CSMD1: variants seen among roughly 807,000 people sequenced by gnomAD.
CSMD1 encodes the protein CUB and sushi domain-containing protein 1.
CSMD1 carries 213 observed loss-of-function variants against 417.5 expected under a neutral mutation model. That is an observed-to-expected ratio of 0.51 (90% CI 0.46 to 0.57). The LOEUF (loss-of-function observed/expected upper bound fraction) is 0.57. Among genes scored for constraint, CSMD1 ranks in the 20% least tolerant of loss-of-function variants. The probability of loss-of-function intolerance (pLI) is 0.00; values close to 1 mark genes in which losing one functional copy is unlikely to be tolerated. For missense variants in CSMD1, 6,923 were observed against 4,529.7 expected, an observed-to-expected ratio of 1.53 and a Z score of -15.17; for synonymous variants, 2,862 against 1,736.8, an observed-to-expected ratio of 1.65 and a Z score of -16.11.
intron 3 of CSMD1, among the ~76,000 whole-genome samples, chr8:4,402,370 T>C (rs1403005719): frequency 1.3e-5 from 2 of 152,046 alleles, no homozygotes; most frequent in East Asian, 1.9e-4. Flanking sequence ...CTCAATTCCC[T>C]TGTTCCTCTC....
chr8:4,529,886 AAATTT>A (rs1240283201), intron 2 of CSMD1, among the ~76,000 whole-genome samples: 1 of 118,086 alleles, frequency 8.5e-6, no homozygotes, highest in Non-Finnish European at 1.6e-5. Flanking sequence ...TTTTTTTTTT[AAATTT>A]ATTTAATTTT....
At chr8:3,596,065 C>T (rs1455441287) in intron 8 of CSMD1, among the ~76,000 whole-genome samples, 3 of 152,104 alleles carry the variant, frequency 2.0e-5, no homozygotes, top group Non-Finnish European at 4.4e-5. Flanking sequence ...GCTTAGGAAG[C>T]CAGAGGAGAC....
At chr8:2,981,916 C>A (rs945437571) in intron 54 of CSMD1, among the ~76,000 whole-genome samples, 1 of 152,100 alleles carries the variant, frequency 6.6e-6, no homozygotes, top group Non-Finnish European at 1.5e-5. Context: ...CCCAGTTGCA[C>A]CCCACCCCTT....
intron 8 of CSMD1, among the ~76,000 whole-genome samples, chr8:3,600,974 C>G (rs192628774): frequency 1.3e-5 from 2 of 152,280 alleles, no homozygotes; most frequent in Admixed American, 1.3e-4. Context: ...ATGTAAAGAA[C>G]TATTCCAAGG....
chr8:3,543,716 T>C (rs1383431796), intron 10 of CSMD1, among the ~76,000 whole-genome samples: 2 of 152,210 alleles, frequency 1.3e-5, no homozygotes, highest in East Asian at 3.9e-4. Context: ...ACCCAGAGTT[T>C]GCTTTTAGAC....
rs112787582 is a variant in CSMD1 at position 4,312,645 on chromosome 8, G to C, written c.415+107308C>G. 1.6e-4 allele frequency among the ~76,000 whole-genome samples: 24 copies of C among 151,718 alleles called. No individual in the cohort carries two copies. In the South Asian group the frequency reaches 4.8e-3, roughly 30 times the overall value. On this transcript the variant is annotated intron_variant, in intron 3 of 69. Transcript: ENST00000635120. ...TAATCCCAACACTTTGGGAGGCCGA[G>C]GTGAGTGGATCACCTGAGGTCAGGA...
At chr8:3,796,898 G>T (rs561361168) in intron 5 of CSMD1, among the ~76,000 whole-genome samples, 23 of 151,746 alleles carry the variant, frequency 1.5e-4, no homozygotes, top group Admixed American at 1.3e-3. Flanking sequence ...TCACGGTTCT[G>T]CCTAACAACT....
intron 5 of CSMD1, among the ~76,000 whole-genome samples, chr8:3,844,826 TG>T (rs1264494378): frequency 6.6e-6 from 1 of 152,210 alleles, no homozygotes; most frequent in African/African-American, 2.4e-5. Context: ...ATTTTGTTTT[TG>T]TTTTTGTCTT....
intron 3 of CSMD1, among the ~76,000 whole-genome samples, chr8:4,157,410 A>C (rs1187621420): frequency 6.6e-6 from 1 of 151,966 alleles, no homozygotes. Flanking sequence ...AAAATTTTCT[A>C]TTTTCGTCCT....
intron 10 of CSMD1, among the ~76,000 whole-genome samples, chr8:3,537,963 T>C (rs2117547867): frequency 6.6e-6 from 1 of 152,332 alleles, no homozygotes; most frequent in East Asian, 1.9e-4. Context: ...TCACTCAGGG[T>C]ATCGTTTATT....
chr8:4,265,196 G>A (rs1446524136), intron 3 of CSMD1, among the ~76,000 whole-genome samples: 1 of 151,514 alleles, frequency 6.6e-6, no homozygotes, highest in Non-Finnish European at 1.5e-5. Flanking sequence ...GTAGCAAAGT[G>A]TAACAGTATT....
intron 7 of CSMD1, among the ~76,000 whole-genome samples, chr8:3,631,162 C>A (rs1003834664): frequency 1.3e-5 from 2 of 152,172 alleles, no homozygotes; most frequent in Admixed American, 1.3e-4. Context: ...TGCACCCTGG[C>A]TAAACCGGCA....
At chr8:3,441,545 G>C (rs1051336248) in intron 12 of CSMD1, among the ~76,000 whole-genome samples, 1 of 148,438 alleles carries the variant, frequency 6.7e-6, no homozygotes, top group Non-Finnish European at 1.5e-5. Context: ...ACCACGTAAG[G>C]ACATTTCAAT....
At chr8:3,972,677 G>C (rs958744150) in intron 5 of CSMD1, among the ~76,000 whole-genome samples, 1 of 152,226 alleles carries the variant, frequency 6.6e-6, no homozygotes, top group African/African-American at 2.4e-5. Flanking sequence ...TATGACCAGT[G>C]TTAGCATGGA....
At position 3,798,176 on chromosome 8, in the gene CSMD1, C is replaced by G. The variant is rs1010954337; in HGVS notation, c.819-44134G>C. Among the ~76,000 whole-genome samples, 57 of 151,996 alleles carry G rather than the reference C, an allele frequency of 3.8e-4. 1 individual carries two copies. Among genetic ancestry groups the G allele is most frequent in the African/African-American group, 1.3e-3 (56 of 41,502 alleles). On this transcript the variant is annotated intron_variant, in intron 5 of 69. Transcript: ENST00000635120. ...ATATGTAGTCTTTTATTAGATAAAA[C>G]AATTTTTAACATTTTCCGCTACAGA...
chr8:4,836,320 C>T (rs1800488163), intron 1 of CSMD1, among the ~76,000 whole-genome samples: 1 of 152,154 alleles, frequency 6.6e-6, no homozygotes, highest in Non-Finnish European at 1.5e-5. Flanking sequence ...CACACTTTAG[C>T]AGTGCACCAT....
At chr8:3,777,436 G>C (rs575185303) in intron 5 of CSMD1, among the ~76,000 whole-genome samples, 133 of 152,268 alleles carry the variant, frequency 8.7e-4, no homozygotes, top group African/African-American at 3.1e-3. Flanking sequence ...TCAGGCCTCA[G>C]GCAGGCTTCA....
chr8:3,259,760 T>C (rs1269303700), intron 26 of CSMD1, among the ~76,000 whole-genome samples: 3 of 152,182 alleles, frequency 2.0e-5, no homozygotes, highest in Non-Finnish European at 2.9e-5. Flanking sequence ...AAAACATGAG[T>C]TGGCAAACTG....
intron 7 of CSMD1, among the ~76,000 whole-genome samples, chr8:3,653,452 G>A (rs949657152): frequency 4.6e-5 from 7 of 152,052 alleles, no homozygotes; most frequent in African/African-American, 7.2e-5. Context: ...GGGATTATAG[G>A]TGCCCAACAC....
Sources: allele counts gnomAD v4.1 joint callset (sites outside exome capture counted in the v4.1 genomes callset), GRCh38; gene constraint gnomAD v4.1.1; transcripts MANE v1.5; gene names NCBI Gene and HGNC (gene_info 2026-07-23, HGNC 2026-07-21).